The following PLEKHN1 variants were observed in gnomAD, a reference collection of about 807,000 sequenced individuals.
PLEKHN1 encodes pleckstrin homology domain containing N1.
In PLEKHN1, 68 loss-of-function variants were observed where a neutral mutation model predicts 72.8. That is an observed-to-expected ratio of 0.93 (90% CI 0.77 to 1.14). The LOEUF (loss-of-function observed/expected upper bound fraction) is 1.14, where lower values mean the gene tolerates loss of function less well. PLEKHN1 is among the 50% of genes most tolerant of loss of function. The pLI is 0.00. For synonymous variants in PLEKHN1, 454 were observed against 371.6 expected, an observed-to-expected ratio of 1.22 and a Z score of -2.55; for missense variants, 1,015 against 840.5, an observed-to-expected ratio of 1.21 and a Z score of -2.57.
At position 970,840 on chromosome 1, in the gene PLEKHN1, C is replaced by T. The variant is rs372621196; in HGVS notation, c.485-39C>T. 46 of 1,612,368 alleles carry T rather than the reference C, an allele frequency of 2.9e-5. No homozygotes were observed. Among genetic ancestry groups the T allele is most frequent in the Admixed American group, 8.3e-5 (5 of 59,982 alleles). On this transcript the variant is annotated intron_variant, in intron 5 of 15. Transcript: ENST00000379410. This position sits in a 1 kb window ranked among gnomAD's most constrained non-coding sequence, Gnocchi z 4.2. ...GGGCCTGCCCTGTGGCTGCGGAGCA[C>T]GTGTGTGTATGTGTGTGCCCTCTCT...
In PLEKHN1 at chr1:971,630, C is replaced by T. The variant is rs116396715; in HGVS notation, c.789+226C>T. The T allele has an allele frequency of 3.3e-5, 20 of 603,338 alleles. No homozygotes were observed. In the East Asian group the frequency reaches 3.6e-4, roughly 11 times the overall value. 37.4% of individuals were successfully genotyped at this position (603,338 alleles called of 1,614,324 possible). On this transcript the variant is annotated intron_variant, in intron 8 of 15. Transcript: ENST00000379410. ...GAGGTTCTTGACCGTCACCCTGGGGCGGGCAGCATGGGGCTGAGAGCCCCT... is the reference window on the plus strand; with the variant it reads ...GAGGTTCTTGACCGTCACCCTGGGGTGGGCAGCATGGGGCTGAGAGCCCCT...
Position 971,308 on chromosome 1 carries a change from AC to A in PLEKHN1, c.709-11del. 1.1e-6 allele frequency: 1 copy of A among 891,092 alleles called. No homozygotes were observed. Among genetic ancestry groups the A allele is most frequent in the African/African-American group, 1.7e-5 (1 of 58,000 alleles). The allele number at this position is 891,092 out of a possible 1,614,324, so 55.2% of individuals were successfully genotyped here. On this transcript the variant is annotated splice_polypyrimidine_tract_variant and intron_variant, in intron 7 of 15. Coordinates refer to ENST00000379410, the MANE Select transcript of PLEKHN1 (RefSeq NM_032129.3). ...CTCAGTTCCCTCATCGCCTGACCCC[AC>A]CCCCACCCACCCAGGAGCAGTGGGA... is the stretch of plus-strand genomic sequence containing the variant.
intron 2 of PLEKHN1, among the ~76,000 whole-genome samples, chr1:968,169 G>GGAGTTC (rs1643108125): frequency 6.6e-6 from 1 of 152,240 alleles, no homozygotes; most frequent in Non-Finnish European, 1.5e-5. Context: ...CCCACGCTGG[G>GGAGTTC]TGTGGGTACA....
In PLEKHN1 at chr1:970,173, T is replaced by C. The variant is rs888883244; in HGVS notation, c.184-104T>C. ...GTTCTTCACATATGTGTTGTGTGGC[T>C]ATGCACAGGCAGACCATGCTATAGT... On this transcript the variant is annotated intron_variant, in intron 2 of 15. Coordinates refer to ENST00000379410, the MANE Select transcript of PLEKHN1 (RefSeq NM_032129.3). The surrounding 1 kb of genome is among the most constrained non-coding windows in gnomAD (Gnocchi z 4.2). The C allele has an allele frequency of 1.7e-4, 222 of 1,283,366 alleles. 3 individuals are homozygous for C. The highest frequency in any genetic ancestry group is 6.7e-5 in the Admixed American group (3 of 45,108). The allele number at this position is 1,283,366 out of a possible 1,614,324, so 79.5% of individuals were successfully genotyped here. A position where few individuals can be genotyped will look rare whatever the true frequency, so the allele number is the denominator to read the frequency against.
chr1:974,097 C>A, intron 14 of PLEKHN1, 46 bp downstream of exon 14: 1 of 1,533,778 alleles, frequency 6.5e-7, no homozygotes, highest in Non-Finnish European at 8.8e-7. Flanking sequence ...TCCGGGCTGG[C>A]CGGGGGTCTG....
At chr1:968,409 T>G (rs925184264) in intron 2 of PLEKHN1, among the ~76,000 whole-genome samples, 1 of 152,192 alleles carries the variant, frequency 6.6e-6, no homozygotes, top group Non-Finnish European at 1.5e-5. Flanking sequence ...TCCAACCTGG[T>G]GATCAAAGCC....
intron 9 of PLEKHN1, 29 bp from the exon 10 acceptor site, chr1:972,259 G>A (rs768223324): frequency 5.6e-5 from 89 of 1,603,114 alleles, no homozygotes; most frequent in Middle Eastern, 3.3e-4. Context: ...GCACCCCCCC[G>A]CCAGCCCCTC....
chr1:966,523 ACT>A lies in PLEKHN1; in HGVS notation c.-6_-5del, dbSNP rs1423345655. 6.2e-7 allele frequency: 1 copy of A among 1,601,122 alleles called. No individual in the cohort carries two copies. The highest frequency in any genetic ancestry group is 1.7e-5 in the Admixed American group (1 of 59,538). On this transcript the variant is annotated 5_prime_UTR_variant, in exon 1 of 16. Coordinates refer to ENST00000379410, the MANE Select transcript of PLEKHN1 (RefSeq NM_032129.3). ...GGACCCAGACTTGCCGACCTGTACG[ACT>A]CTGGCCATGGGGAACAGCCACTGTG...
intron 7 of PLEKHN1, 21 bp from the exon 8 acceptor site, chr1:971,303 A>AGCCCCC: frequency 2.7e-6 from 4 of 1,495,438 alleles, no homozygotes; most frequent in Non-Finnish European, 3.7e-6. Context: ...TCATCGCCTG[A>AGCCCCC]CCCCACCCCC....
chr1:967,890 C>T (rs1411932269), intron 2 of PLEKHN1, among the ~76,000 whole-genome samples: 1 of 152,116 alleles, frequency 6.6e-6, no homozygotes, highest in Non-Finnish European at 1.5e-5. Flanking sequence ...CCGTAGTGGT[C>T]CTCCCTTGCC....
rs1178577785 is a variant in PLEKHN1, at chr1:971,002, C to G, written c.608C>G (p.Pro203Arg). ...GGPRRCHSAPPQRRLTRLRTA... is the reference protein window; with the variant it reads ...GGPRRCHSAPRQRRLTRLRTA... ...CCGCGGCGCTGCCACTCGGCACCCC[C>G]ACAGGTCAGTGCCGGGGACCCCACC... The change falls in exon 6 of 16, where the codon CCA becomes CGA. Residue 203 changes from proline (P) to arginine (R), a missense_variant. By Grantham distance (103) the Pro-to-Arg change is moderately radical (BLOSUM62 -2). Transcript: ENST00000379410. 1 of 1,603,414 alleles carries G rather than the reference C, an allele frequency of 6.2e-7. No individual in the cohort carries two copies. Among genetic ancestry groups the G allele is most frequent in the Non-Finnish European group, 8.5e-7 (1 of 1,175,562 alleles).
rs1341924424 is a variant in PLEKHN1, at chr1:974,445, G to A, written c.1706G>A (p.Gly569Asp). Residue 569 changes from glycine to aspartate, a missense_variant, in exon 16 of 16, where the codon GGT (glycine) becomes GAT (aspartate). Physicochemically the swap from Gly to Asp is moderately conservative, Grantham distance 94. Transcript: ENST00000379410. ...ACATCTCTGCCTTCCCTACCAGATG[G>A]TCGGTCCCCCAGGAGGAGCCGGGAC... is the stretch of plus-strand genomic sequence containing the variant. ...SPEPWLPLTDGRSPRRSRDPG... is the reference protein window; with the variant it reads ...SPEPWLPLTDDRSPRRSRDPG... The A allele has an allele frequency of 2.5e-6, 4 of 1,612,854 alleles. No homozygotes were observed. The highest frequency in any genetic ancestry group is 3.4e-6 in the Non-Finnish European group (4 of 1,179,952).
chr1:966,923 G>A (rs1643023024), intron 2 of PLEKHN1, 120 bp downstream of exon 2: 1 of 1,119,494 alleles, frequency 8.9e-7, no homozygotes, highest in Non-Finnish European at 1.2e-6. Context: ...GACCCCGGTA[G>A]GTGAGGAGCC....
chr1:971,889 C>T (rs1643349711), intron 8 of PLEKHN1, among the ~76,000 whole-genome samples, 186 bp from the exon 9 acceptor site: 1 of 152,228 alleles, frequency 6.6e-6, no homozygotes, highest in Non-Finnish European at 1.5e-5. Context: ...GGCGAAGGCC[C>T]CCGCGCCAGG....
chr1:970,974 G>C lies in PLEKHN1; in HGVS notation c.580G>C (p.Gly194Arg). The C allele has an allele frequency of 6.2e-7, 1 of 1,605,832 alleles. No homozygotes were observed. The highest frequency in any genetic ancestry group is 8.5e-7 in the Non-Finnish European group (1 of 1,176,792). ...GGAGAAGCAGACGGCCCTCCTCGGG[G>C]GGCCGCGGCGCTGCCACTCGGCACC... is the stretch of plus-strand genomic sequence containing the variant. ...HLEKQTALLG[G>R]PRRCHSAPPQ... The change falls in exon 6 of 16, where the codon GGG becomes CGG. Residue 194 changes from glycine to arginine, a missense_variant. Gly to Arg is a moderately radical substitution (Grantham distance 125). Coordinates refer to ENST00000379410, the MANE Select transcript of PLEKHN1 (RefSeq NM_032129.3). The surrounding 1 kb of genome is among the most constrained non-coding windows in gnomAD (Gnocchi z 4.2).
Position 973,973 on chromosome 1 carries a change from CCTGCAGTCCAGAG to C in PLEKHN1, c.1577_1589del (p.Leu526ProfsTer37), listed in dbSNP as rs773448902. Reference sequence around the variant, plus strand: ...CCTACTTGCTCTCCAAGAAGGGAGCCCTGCAGTCCAGAGCCGCTCAGAGACACCGGGGCTCAGC... The same window carrying C: ...CCTACTTGCTCTCCAAGAAGGGAGCCCCGCTCAGAGACACCGGGGCTCAGC... On this transcript the variant is annotated frameshift_variant, in exon 14 of 16. Transcript: ENST00000379410. LOFTEE classifies it high-confidence loss of function. 6 of 1,609,528 alleles carry C rather than the reference CCTGCAGTCCAGAG, an allele frequency of 3.7e-6. No individual in the cohort carries two copies. Among genetic ancestry groups the C allele is most frequent in the Non-Finnish European group, 5.1e-6 (6 of 1,179,506 alleles).
In PLEKHN1 at chr1:970,610, G is replaced by C. The variant is rs760785720; in HGVS notation, c.411+9G>C. On this transcript the variant is annotated intron_variant, in intron 4 of 15. Transcript: ENST00000379410. This position sits in a 1 kb window ranked among gnomAD's most constrained non-coding sequence, Gnocchi z 4.2. ...AAGGACTCACATTTCAGGTGAGGCG[G>C]TGGGCAATGGGGTGGGGCCATGGCC... 3.7e-6 allele frequency: 6 copies of C among 1,611,636 alleles called. No individual in the cohort carries two copies. The highest frequency in any genetic ancestry group is 5.1e-6 in the Non-Finnish European group (6 of 1,179,220).
Position 971,173 on chromosome 1 carries a change from G to A in PLEKHN1, c.673G>A (p.Ala225Thr). 1.3e-6 allele frequency: 2 copies of A among 1,596,696 alleles called. No individual in the cohort carries two copies. Among genetic ancestry groups the A allele is most frequent in the Non-Finnish European group, 1.7e-6 (2 of 1,172,550 alleles). Residue 225 changes from alanine (A) to threonine (T), a missense_variant, in exon 7 of 16, where the codon GCC becomes ACC. Ala to Thr is a moderately conservative substitution (Grantham distance 58). Coordinates refer to ENST00000379410, the MANE Select transcript of PLEKHN1 (RefSeq NM_032129.3). ...CGAACCCGGCGGCAGTGCTGTCTGT[G>A]CCTCGAGGGTCAAGCTGCAGCACCT... is the stretch of plus-strand genomic sequence containing the variant. ...GHEPGGSAVCASRVKLQHLPA... is the reference protein window; with the variant it reads ...GHEPGGSAVCTSRVKLQHLPA...
In PLEKHN1 at chr1:974,346, C is replaced by A; in HGVS notation, c.1684C>A (p.Pro562Thr). The change falls in exon 15 of 16, where the codon CCC becomes ACC. Residue 562 changes from proline (P) to threonine (T), a missense_variant. Physicochemically the swap from Pro to Thr is conservative, Grantham distance 38 (BLOSUM62 -1). Transcript: ENST00000379410. ...VSSAREGSPE[P>T]WLPLTDGRSP... ...CTCTGCCAGGGAAGGTTCGCCCGAACCCTGGCTGCCTCTGACAGGTGAGTA... is the reference window on the plus strand; with the variant it reads ...CTCTGCCAGGGAAGGTTCGCCCGAAACCTGGCTGCCTCTGACAGGTGAGTA... 1 of 1,612,996 alleles carries A rather than the reference C, an allele frequency of 6.2e-7. No homozygotes were observed. The highest frequency in any genetic ancestry group is 8.5e-7 in the Non-Finnish European group (1 of 1,180,024).
Sources: gnomAD v4.1 joint callset for allele counts (sites outside exome capture counted in the v4.1 genomes callset) on GRCh38, gnomAD v4.1.1 for gene constraint, Gnocchi (gnomAD v3.1) non-coding constraint, MANE v1.5 for transcripts, NCBI Gene and HGNC (gene_info 2026-07-23, HGNC 2026-07-21) for gene names.